The following MAGI2 variants were observed in gnomAD, a reference collection of about 807,000 sequenced individuals.
MAGI2 encodes membrane-associated guanylate kinase, WW and PDZ domain-containing protein 2.
Under a neutral mutation model 133.3 loss-of-function variants are expected in MAGI2, and 35 were observed. The observed-to-expected ratio is 0.26, with a 90% CI of 0.20 to 0.35. The LOEUF is 0.35. Ranked by LOEUF, MAGI2 falls within the 10% of genes least tolerant of loss-of-function variation. The pLI, the probability that MAGI2 is intolerant of heterozygous loss-of-function variation, is 1.00. For synonymous variants in MAGI2, 729 were observed against 710.6 expected, an observed-to-expected ratio of 1.03 and a Z score of -0.41; for missense variants, 1,636 against 1,863.4, an observed-to-expected ratio of 0.88 and a Z score of 2.25.
At chr7:79,310,466 A>T (rs577032937) in intron 1 of MAGI2, among the ~76,000 whole-genome samples, 7 of 152,296 alleles carry the variant, frequency 4.6e-5, no homozygotes, top group Non-Finnish European at 8.8e-5. Context: ...TATGCCTGGG[A>T]TCCAGAGATC....
intron 1 of MAGI2, among the ~76,000 whole-genome samples, chr7:79,193,911 A>G (rs577910696): frequency 1.3e-5 from 2 of 152,098 alleles, no homozygotes; most frequent in Non-Finnish European, 2.9e-5. Flanking sequence ...CAAGCCATCA[A>G]AAATGAGTCT....
intron 3 of MAGI2, among the ~76,000 whole-genome samples, chr7:78,543,679 C>T (rs77750694): frequency 0.012 from 1,861 of 152,268 alleles, 39 homozygotes; most frequent in African/African-American, 0.043. Context: ...GTCACTATGA[C>T]AATGATGAGA....
At chr7:78,325,785 T>C (rs7778899) in intron 9 of MAGI2, among the ~76,000 whole-genome samples, 48,632 of 152,120 alleles carry the variant, frequency 0.32, 8,310 homozygotes, top group East Asian at 0.57. Flanking sequence ...AGGGAGCCCA[T>C]TGGTGCAGTG....
intron 1 of MAGI2, among the ~76,000 whole-genome samples, chr7:79,389,197 T>C (rs1341858415): frequency 6.6e-6 from 1 of 152,020 alleles, no homozygotes; most frequent in Non-Finnish European, 1.5e-5. Context: ...ATTAAGATAA[T>C]CTATATTTTT....
At chr7:78,739,875 C>T (rs1038917405) in intron 2 of MAGI2, among the ~76,000 whole-genome samples, 1 of 152,088 alleles carries the variant, frequency 6.6e-6, no homozygotes, top group African/African-American at 2.4e-5. Flanking sequence ...GTATGATAAC[C>T]TGGCCAGGCG....
At chr7:79,117,125 T>C (rs1281107369) in intron 1 of MAGI2, among the ~76,000 whole-genome samples, 2 of 152,176 alleles carry the variant, frequency 1.3e-5, no homozygotes, top group African/African-American at 4.8e-5. Flanking sequence ...AATCAAATAA[T>C]TTAAATATAT....
At chr7:78,809,111 G>A (rs1417130340) in intron 2 of MAGI2, among the ~76,000 whole-genome samples, 1 of 152,122 alleles carries the variant, frequency 6.6e-6, no homozygotes, top group Non-Finnish European at 1.5e-5. Flanking sequence ...TGGTGTGGAT[G>A]GTGTGGAAGG....
chr7:78,427,776 T>G (rs1275973616), intron 6 of MAGI2, among the ~76,000 whole-genome samples: 1 of 152,168 alleles, frequency 6.6e-6, no homozygotes, highest in Admixed American at 6.6e-5. Flanking sequence ...TATATCCTAT[T>G]TCCAATCTCT....
chr7:78,924,538 A>T (rs919377374), intron 2 of MAGI2, among the ~76,000 whole-genome samples: 1 of 152,072 alleles, frequency 6.6e-6, no homozygotes, highest in Admixed American at 6.6e-5. Context: ...CATCCCAGGG[A>T]TGAAGCCCAC....
At chr7:79,021,857 A>G (rs1809362173) in intron 1 of MAGI2, among the ~76,000 whole-genome samples, 1 of 152,136 alleles carries the variant, frequency 6.6e-6, no homozygotes, top group South Asian at 2.1e-4. Flanking sequence ...TCCCAACCAA[A>G]TCTCATCTTG....
At chr7:78,111,116 C>A (rs1380833874) in intron 20 of MAGI2, among the ~76,000 whole-genome samples, 1 of 152,050 alleles carries the variant, frequency 6.6e-6, no homozygotes, top group African/African-American at 2.4e-5. Context: ...AGCAAATTTG[C>A]GTAAACACTG....
At chr7:78,095,188 A>G (rs1273452958) in intron 20 of MAGI2, among the ~76,000 whole-genome samples, 6 of 152,214 alleles carry the variant, frequency 3.9e-5, no homozygotes, top group Admixed American at 2.0e-4. Context: ...AGAGAATTCA[A>G]ATTCAGTGAT....
intron 1 of MAGI2, among the ~76,000 whole-genome samples, chr7:79,371,045 A>G (rs1325715093): frequency 6.6e-5 from 10 of 152,130 alleles, no homozygotes; most frequent in Admixed American, 5.2e-4. Flanking sequence ...TGATGCTTTT[A>G]TCACATTTCT....
intron 3 of MAGI2, among the ~76,000 whole-genome samples, chr7:78,608,149 C>A (rs1239017637): frequency 6.6e-6 from 1 of 152,140 alleles, no homozygotes; most frequent in South Asian, 2.1e-4. Flanking sequence ...AGGCCACACA[C>A]TAAGGTGACA....
intron 2 of MAGI2, among the ~76,000 whole-genome samples, chr7:78,654,333 A>C (rs573877213): frequency 1.3e-5 from 2 of 152,296 alleles, no homozygotes; most frequent in African/African-American, 4.8e-5. Context: ...ATTGCCTAAA[A>C]TAGTATGTGG....
At chr7:78,467,622 G>A (rs538527661) in intron 6 of MAGI2, among the ~76,000 whole-genome samples, 1 of 151,762 alleles carries the variant, frequency 6.6e-6, no homozygotes, top group African/African-American at 2.4e-5. Context: ...AATATAAAAT[G>A]CAATTTGGTG....
intron 1 of MAGI2, among the ~76,000 whole-genome samples, chr7:79,135,925 A>G (rs1821358221): frequency 6.8e-6 from 1 of 147,846 alleles, no homozygotes; most frequent in African/African-American, 2.5e-5. Context: ...TGAGTGACAG[A>G]GTAAAATCCT....
intron 9 of MAGI2, among the ~76,000 whole-genome samples, chr7:78,288,801 T>G (rs1796409155): frequency 6.6e-6 from 1 of 152,226 alleles, no homozygotes; most frequent in African/African-American, 2.4e-5. Context: ...CAATATTTGC[T>G]GTTCTGCAGC....
At chr7:78,526,380 T>C (rs1796953943) in intron 3 of MAGI2, among the ~76,000 whole-genome samples, 1 of 152,176 alleles carries the variant, frequency 6.6e-6, no homozygotes, top group South Asian at 2.1e-4. Context: ...TTAAGGAGAG[T>C]ACAGGCTTTT....
Sources: allele counts gnomAD v4.1 joint callset (sites outside exome capture counted in the v4.1 genomes callset), GRCh38; gene constraint gnomAD v4.1.1; transcripts MANE v1.5; gene names NCBI Gene and HGNC (gene_info 2026-07-23, HGNC 2026-07-21).